CDKN2B-AS1: variants seen among roughly 807,000 people sequenced by gnomAD.
The protein encoded by CDKN2B-AS1 is CDKN2B antisense RNA 1 (non-protein coding).
intron 4 of CDKN2B-AS1, among the ~76,000 whole-genome samples, chr9:22,095,207 T>G (rs865946432): frequency 8.3e-5 from 12 of 144,866 alleles, no homozygotes; most frequent in Admixed American, 2.7e-4. Context: ...CCGTGTGAGG[T>G]GTCAGTCTGC....
chr9:22,022,177 G>A (rs561417493), intron 1 of CDKN2B-AS1, among the ~76,000 whole-genome samples: 8 of 151,562 alleles, frequency 5.3e-5, no homozygotes, highest in Non-Finnish European at 7.4e-5. Context: ...AGGTTCATTT[G>A]ATCCAGTGTT....
intron 4 of CDKN2B-AS1, among the ~76,000 whole-genome samples, chr9:22,122,101 G>A (rs1826115680): frequency 6.7e-6 from 1 of 150,166 alleles, no homozygotes; most frequent in African/African-American, 2.4e-5. Context: ...CATCCTAACT[G>A]GGGTGAGATG....
At chr9:22,099,756 G>A (rs75194069) in intron 4 of CDKN2B-AS1, among the ~76,000 whole-genome samples, 2 of 148,334 alleles carry the variant, frequency 1.3e-5, no homozygotes, top group Admixed American at 6.8e-5. Context: ...GTAAAAAAAA[G>A]GAATGTGCAG....
intron 1 of CDKN2B-AS1, among the ~76,000 whole-genome samples, chr9:22,045,755 A>G (rs541667921): frequency 6.6e-6 from 1 of 152,260 alleles, no homozygotes; most frequent in East Asian, 1.9e-4. Flanking sequence ...ATGTTTATAC[A>G]TATAGACTTA....
At chr9:22,071,800 G>A (rs1824307500) in intron 4 of CDKN2B-AS1, among the ~76,000 whole-genome samples, 1 of 152,110 alleles carries the variant, frequency 6.6e-6, no homozygotes, top group African/African-American at 2.4e-5. Context: ...CCAACTATGA[G>A]CTAGGTGATG....
chr9:22,091,164 T>G (rs201981741), intron 4 of CDKN2B-AS1, among the ~76,000 whole-genome samples: 14 of 152,086 alleles, frequency 9.2e-5, no homozygotes, highest in African/African-American at 3.1e-4. Flanking sequence ...TCTGAGCGCT[T>G]TGTTCTGTTC....
chr9:22,103,515 G>T (rs936420096), intron 4 of CDKN2B-AS1, among the ~76,000 whole-genome samples: 1 of 152,096 alleles, frequency 6.6e-6, no homozygotes, highest in East Asian at 1.9e-4. Flanking sequence ...GGCCCACATC[G>T]TTCGAGAATG....
At chr9:22,007,212 A>T (rs1261810239) in intron 1 of CDKN2B-AS1, among the ~76,000 whole-genome samples, 3 of 152,126 alleles carry the variant, frequency 2.0e-5, no homozygotes, top group African/African-American at 7.2e-5. Flanking sequence ...AAAATAAAAA[A>T]TTAGCTGGGC....
At chr9:22,077,394 A>G (rs1305731804) in intron 4 of CDKN2B-AS1, among the ~76,000 whole-genome samples, 1 of 152,248 alleles carries the variant, frequency 6.6e-6, no homozygotes, top group Non-Finnish European at 1.5e-5. Context: ...AATGGAAATA[A>G]TATTCAGATT....
At chr9:22,122,585 C>T (rs775431522) in intron 4 of CDKN2B-AS1, among the ~76,000 whole-genome samples, 3 of 152,128 alleles carry the variant, frequency 2.0e-5, no homozygotes, top group Middle Eastern at 3.4e-3. Flanking sequence ...GGGTGAGAGA[C>T]GGGAATCTAG....
Position 21,999,981 on chromosome 9 carries a change from C to A in CDKN2B-AS1, n.29+4820C>A, listed in dbSNP as rs3218006. Among the ~76,000 whole-genome samples the A allele has an allele frequency of 1.4e-3, 213 of 152,088 alleles. 3 individuals carry two copies. In the South Asian group the frequency reaches 0.026, roughly 19 times the overall value. On this transcript the variant is annotated intron_variant and non_coding_transcript_variant, in intron 1 of 4. Coordinates refer to ENST00000650946, the Ensembl canonical transcript of CDKN2B-AS1. This position sits in a 1 kb window ranked among gnomAD's most constrained non-coding sequence, Gnocchi z 4.7. Reference sequence around the variant, plus strand: ...AATTAAATATTTGTAATAGTGGTTACCTTTGGGTAGTAAGAATGAGGGTGG... The same window carrying A: ...AATTAAATATTTGTAATAGTGGTTAACTTTGGGTAGTAAGAATGAGGGTGG...
chr9:22,089,795 A>G (rs1825004759), intron 4 of CDKN2B-AS1, among the ~76,000 whole-genome samples: 1 of 152,050 alleles, frequency 6.6e-6, no homozygotes. Context: ...GATTGAGCCA[A>G]TGACTAATTT....
chr9:22,081,157 A>T (rs1313731724), intron 4 of CDKN2B-AS1, among the ~76,000 whole-genome samples: 1 of 151,542 alleles, frequency 6.6e-6, no homozygotes, highest in Non-Finnish European at 1.5e-5. Flanking sequence ...AGTCTATTTG[A>T]TGTTGTTTTG....
At chr9:22,017,458 G>T (rs1042306582) in intron 1 of CDKN2B-AS1, among the ~76,000 whole-genome samples, 1 of 152,140 alleles carries the variant, frequency 6.6e-6, no homozygotes, top group African/African-American at 2.4e-5. Context: ...GCAAGTTTGA[G>T]CTTTTTCAGG....
intron 1 of CDKN2B-AS1, chr9:22,004,466 T>C (rs943818806): frequency 8.6e-6 from 2 of 232,508 alleles, no homozygotes; most frequent in East Asian, 1.2e-4. Flanking sequence ...ATTACAAACA[T>C]TGAGAGAAGG....
intron 4 of CDKN2B-AS1, among the ~76,000 whole-genome samples, chr9:22,106,076 A>G (rs1434668751): frequency 6.6e-6 from 1 of 151,512 alleles, no homozygotes; most frequent in Non-Finnish European, 1.5e-5. Context: ...ACATCTGGAT[A>G]ATTTTTGTAC....
intron 1 of CDKN2B-AS1, chr9:22,003,376 T>C (rs1821011731): frequency 4.5e-6 from 1 of 224,342 alleles, no homozygotes; most frequent in African/African-American, 2.2e-5. Context: ...CAGGTTGTCA[T>C]TAGGAAAGAT....
At chr9:22,048,669 A>G (rs938775485) in intron 2 of CDKN2B-AS1, among the ~76,000 whole-genome samples, 2 of 152,228 alleles carry the variant, frequency 1.3e-5, no homozygotes, top group East Asian at 1.9e-4. Context: ...TATCGGGGAA[A>G]AGTACAACAA....
Position 22,097,555 on chromosome 9 carries a change from C to T in CDKN2B-AS1, n.439-29548C>T, listed in dbSNP as rs75735146. 2.7e-3 allele frequency among the ~76,000 whole-genome samples: 404 copies of T among 152,290 alleles called. 1 individual carries two copies. Among genetic ancestry groups the T allele is most frequent in the African/African-American group, 9.2e-3 (382 of 41,544 alleles). ...ACTACTTACAAGGCCCACATCACCTCCTTATACCACTAGCTTTTGCTTTCC... is the reference window on the plus strand; with the variant it reads ...ACTACTTACAAGGCCCACATCACCTTCTTATACCACTAGCTTTTGCTTTCC... On this transcript the variant is annotated intron_variant and non_coding_transcript_variant, in intron 4 of 4. Coordinates refer to ENST00000650946, the Ensembl canonical transcript of CDKN2B-AS1.
Sources: allele counts gnomAD v4.1 joint callset (sites outside exome capture counted in the v4.1 genomes callset), GRCh38; gene constraint gnomAD v4.1.1; non-coding constraint Gnocchi (gnomAD v3.1); transcripts MANE v1.5; gene names NCBI Gene and HGNC (gene_info 2026-07-23, HGNC 2026-07-21).